Variants in DHX8 observed in about 807,000 individuals in gnomAD.
DHX8 encodes DEAH-box helicase 8.
A neutral mutation model predicts 140.7 loss-of-function variants in DHX8; 67 were observed. The observed-to-expected ratio is 0.48, with a 90% CI of 0.39 to 0.58. DHX8 has a LOEUF of 0.58. Among genes scored for constraint, DHX8 ranks in the 20% least tolerant of loss-of-function variants. DHX8 has a pLI of 0.00. For synonymous variants in DHX8, 533 were observed against 553.2 expected (o/e 0.96, Z 0.51); for missense variants, 887 against 1,550.7 (o/e 0.57, Z 7.19).
At chr17:43,541,734 C>T (rs893558460) in intron 3 of DHX8, among the ~76,000 whole-genome samples, 1 of 152,142 alleles carries the variant, frequency 6.6e-6, no homozygotes, top group Non-Finnish European at 1.5e-5. Flanking sequence ...TCCATTGTGT[C>T]ACCGCTGTCC....
intron 3 of DHX8, among the ~76,000 whole-genome samples, chr17:43,543,296 T>TCTCTGTCTCTCTCTCA (rs888736657): frequency 7.0e-6 from 1 of 143,358 alleles, no homozygotes; most frequent in Admixed American, 7.0e-5. Context: ...TCTCTCTCTC[T>TCTCTGTCTCTCTCTCA]CACACACACA....
At chr17:43,521,321 T>C in intron 20 of DHX8, 48 bp from the exon 21 acceptor site, 1 of 1,498,010 alleles carries the variant, frequency 6.7e-7, no homozygotes, top group South Asian at 1.2e-5. Context: ...CCATGTTCAG[T>C]TAGTAGCTGT....
In DHX8 at chr17:43,492,171, C is replaced by T; in HGVS notation, c.394-12C>T. On this transcript the variant is annotated splice_polypyrimidine_tract_variant and intron_variant, in intron 4 of 22. Coordinates refer to ENST00000262415, the MANE Select transcript of DHX8 (RefSeq NM_004941.3). ...TTTTTTTTCCTAACTTTGCCGGCCT[C>T]TACCTCTGCAGACCATGTTGGATGA... 6.2e-7 allele frequency: 1 copy of T among 1,610,836 alleles called. No homozygotes were observed. Among genetic ancestry groups the T allele is most frequent in the South Asian group, 1.1e-5 (1 of 91,010 alleles).
intron 22 of DHX8, among the ~76,000 whole-genome samples, 176 bp from the exon 23 acceptor site, chr17:43,523,452 G>A (rs929129381): frequency 6.6e-6 from 1 of 152,206 alleles, no homozygotes; most frequent in Non-Finnish European, 1.5e-5. Flanking sequence ...TTAGAGGTGT[G>A]CGGGTGCTTC....
chr17:43,533,863 A>G lies in DHX8; in HGVS notation c.351-2549A>G, dbSNP rs776054019. ...CAGGTCCAGGCTGGGGCTCACCTGGAGTAAAGGCACTGCTCGCCATGGTGG... is the reference window on the plus strand; with the variant it reads ...CAGGTCCAGGCTGGGGCTCACCTGGGGTAAAGGCACTGCTCGCCATGGTGG... On this transcript the variant is annotated intron_variant, in intron 2 of 3. Coordinates refer to the DHX8 transcript ENST00000589898. The G allele has an allele frequency of 6.2e-5, 100 of 1,606,468 alleles. 2 individuals are homozygous for G. The Middle Eastern group carries it at 8.5e-4, about 14-fold the overall frequency.
At position 43,493,579 on chromosome 17, in the gene DHX8, T is replaced by A; in HGVS notation, c.998T>A (p.Leu333Gln). 6.2e-7 allele frequency: 1 copy of A among 1,614,188 alleles called. No individual in the cohort carries two copies. Among genetic ancestry groups the A allele is most frequent in the Non-Finnish European group, 8.5e-7 (1 of 1,180,032 alleles). ...TCCTTCACTGGGACCAAGACCAGCC[T>A]GAGCATGAAGGTAGGTGAGATGGTC... ...VLSFTGTKTS[L>Q]SMKDVDQETG... is the part of the protein sequence containing the mutation. Residue 333 changes from leucine to glutamine, a missense_variant, in exon 7 of 23, where the codon CTG becomes CAG. Leu to Gln is a moderately radical substitution (Grantham distance 113, BLOSUM62 -2). Transcript: ENST00000262415.
At chr17:43,531,535 C>T (rs914232935), downstream of DHX8, among the ~76,000 whole-genome samples, 1 of 152,170 alleles carries the variant, frequency 6.6e-6, no homozygotes, top group African/African-American at 2.4e-5. Context: ...GAAACCCCGT[C>T]TCTACTAAAA....
At chr17:43,506,618 C>CAA (rs59130188) in intron 12 of DHX8, among the ~76,000 whole-genome samples, 58 of 73,584 alleles carry the variant, frequency 7.9e-4, no homozygotes, top group Middle Eastern at 0.015. Context: ...GACTTCATCT[C>CAA]AAAAAAAAAA....
chr17:43,511,456 AT>A (rs71160045), intron 16 of DHX8, among the ~76,000 whole-genome samples: 7 of 56,792 alleles, frequency 1.2e-4, no homozygotes, highest in South Asian at 8.5e-4. Flanking sequence ...TGATCCCAGC[AT>A]TTTTTTTTTT....
chr17:43,518,988 G>A (rs774124004), intron 18 of DHX8: 5 of 152,094 alleles, frequency 3.3e-5, no homozygotes, highest in Admixed American at 6.5e-5. Context: ...ACCACATTTT[G>A]TTTATCCATT....
chr17:43,513,524 G>A, intron 17 of DHX8, 22 bp downstream of exon 17: 1 of 1,610,050 alleles, frequency 6.2e-7, no homozygotes, highest in Non-Finnish European at 8.5e-7. Flanking sequence ...TGTATCAACA[G>A]TTTTCCTGAT....
rs956533157 is a variant in DHX8 at position 43,521,523 on chromosome 17, G to A, written c.3221G>A (p.Arg1074Gln). 1.7e-5 allele frequency: 27 copies of A among 1,613,532 alleles called. No individual in the cohort carries two copies. The highest frequency in any genetic ancestry group is 1.9e-5 in the Non-Finnish European group (23 of 1,179,896). ...TTTATCCAGGCTCGTTCCCTGCGCCGGGCCCAGGACATTCGCAAGCAGATG... is the reference window on the plus strand; with the variant it reads ...TTTATCCAGGCTCGTTCCCTGCGCCAGGCCCAGGACATTCGCAAGCAGATG... ...ENFIQARSLRRAQDIRKQMLG... is the reference protein window; with the variant it reads ...ENFIQARSLRQAQDIRKQMLG... Residue 1074 changes from arginine to glutamine, a missense_variant, in exon 21 of 23, where the codon CGG (arginine) becomes CAG (glutamine). Arg to Gln is a conservative substitution (Grantham distance 43, BLOSUM62 1). Around this residue, in one of 9 missense-constraint regions of DHX8, gnomAD observed 101 missense variants for 168.2 expected, o/e 0.60. Coordinates refer to ENST00000262415, the MANE Select transcript of DHX8 (RefSeq NM_004941.3).
At chr17:43,528,735 A>G, downstream of DHX8, 2 of 1,613,888 alleles carry the variant, frequency 1.2e-6, no homozygotes, top group South Asian at 1.1e-5. Context: ...CGTAACGCTC[A>G]CCAGCCACCT....
chr17:43,490,266 T>C, intron 2 of DHX8, 125 bp from the exon 3 acceptor site: 1 of 680,862 alleles, frequency 1.5e-6, no homozygotes, highest in South Asian at 1.8e-5. Flanking sequence ...CTATGTTTCA[T>C]GTATTCCAAT....
At chr17:43,532,925 T>C (rs1351564527) in intron 2 of DHX8, 1 of 1,573,754 alleles carries the variant, frequency 6.4e-7, no homozygotes. Context: ...GTCCAGGGGC[T>C]GCTGGAAGAC....
chr17:43,536,423 C>T (rs1971246372), exon 3 of DHX8: 3 of 1,614,028 alleles, frequency 1.9e-6, no homozygotes, highest in Non-Finnish European at 2.5e-6. Context: ...GACCTCTACT[C>T]ACGGTTTTCT....
chr17:43,509,016 C>G (rs1969651848), intron 16 of DHX8, among the ~76,000 whole-genome samples: 1 of 152,142 alleles, frequency 6.6e-6, no homozygotes, highest in South Asian at 2.1e-4. Context: ...GTGACCTCTC[C>G]TCTTCTTCCT....
Position 43,524,770 on chromosome 17 carries a change from A to G in DHX8, c.*923A>G. 5.1e-6 allele frequency: 5 copies of G among 985,392 alleles called. No individual in the cohort carries two copies. The highest frequency in any genetic ancestry group is 6.0e-6 in the Non-Finnish European group (5 of 829,922). 61.0% of individuals were successfully genotyped at this position (985,392 alleles called of 1,614,324 possible). On this transcript the variant is annotated 3_prime_UTR_variant, in exon 23 of 23. Transcript: ENST00000262415. ...CCTGAGGTCCTGGATGGACTTTAACAAAGGGATTTTATGGTCAAAACCTCC... is the reference window on the plus strand; with the variant it reads ...CCTGAGGTCCTGGATGGACTTTAACGAAGGGATTTTATGGTCAAAACCTCC...
rs1211918336 is a variant in DHX8, at chr17:43,493,853, A to C, written c.1179A>C (p.Arg393=). Residue 393 remains arginine (R), a synonymous_variant, in exon 8 of 23, where the codon CGA becomes CGC. Coordinates refer to ENST00000262415, the MANE Select transcript of DHX8 (RefSeq NM_004941.3). ...DDSLERKRLT[R]ISDPEKWEIK... Reference sequence around the variant, plus strand: ...CACTGGAACGCAAGCGCCTCACCCGAATCTCTGACCCAGAGAAGTGGGAGA... The same window carrying C: ...CACTGGAACGCAAGCGCCTCACCCGCATCTCTGACCCAGAGAAGTGGGAGA... The C allele has an allele frequency of 6.2e-7, 1 of 1,614,194 alleles. No individual in the cohort carries two copies. Among genetic ancestry groups the C allele is most frequent in the South Asian group, 1.1e-5 (1 of 91,082 alleles).
Sources: gnomAD v4.1 joint callset for allele counts (sites outside exome capture counted in the v4.1 genomes callset) on GRCh38, gnomAD v4.1.1 for gene constraint, gnomAD v4.1.1 regional missense constraint, MANE v1.5 for transcripts, NCBI Gene and HGNC (gene_info 2026-07-23, HGNC 2026-07-21) for gene names.